RARB: variants seen among roughly 807,000 people sequenced by gnomAD.
The protein encoded by RARB is HBV-activated protein.
In RARB, 17 loss-of-function variants were observed where a neutral mutation model predicts 51.9. That is an observed-to-expected ratio of 0.33 (90% CI 0.22 to 0.49). The LOEUF is 0.49. RARB is among the 20% of genes least tolerant of loss of function. The probability of loss-of-function intolerance (pLI) is 0.99; values close to 1 mark genes in which losing one functional copy is unlikely to be tolerated. For synonymous variants in RARB, 215 were observed against 195.4 expected (o/e 1.10, Z -0.84); for missense variants, 369 against 550.8 (o/e 0.67, Z 3.30).
chr3:24,945,787 G>A (rs918839247), intron 2 of RARB, among the ~76,000 whole-genome samples: 7 of 152,162 alleles, frequency 4.6e-5, no homozygotes, highest in Non-Finnish European at 8.8e-5. Flanking sequence ...AACTCCCTGA[G>A]GCATTACTTC....
intron 5 of RARB, among the ~76,000 whole-genome samples, chr3:25,184,151 T>C (rs1700923221): frequency 6.6e-6 from 1 of 151,880 alleles, no homozygotes; most frequent in African/African-American, 2.4e-5. Context: ...TTTTTTCTAG[T>C]TATTGCCCAA....
chr3:24,912,062 C>T (rs953392293), intron 2 of RARB, among the ~76,000 whole-genome samples: 1 of 152,180 alleles, frequency 6.6e-6, no homozygotes, highest in African/African-American at 2.4e-5. Context: ...TTTACTTATG[C>T]ACATGGTCGC....
chr3:25,524,682 CTCT>C (rs1273566675), intron 3 of RARB, among the ~76,000 whole-genome samples: 6 of 148,584 alleles, frequency 4.0e-5, no homozygotes, highest in African/African-American at 1.5e-4. Context: ...TCTTCCTATC[CTCT>C]TCTTTCTGTC....
At chr3:25,585,355 C>T (rs1701343038) in intron 5 of RARB, among the ~76,000 whole-genome samples, 1 of 152,134 alleles carries the variant, frequency 6.6e-6, no homozygotes, top group African/African-American at 2.4e-5. Flanking sequence ...CCATAGAGCT[C>T]CCTGGAAGAG....
chr3:25,509,735 C>G (rs1697794887), intron 3 of RARB, among the ~76,000 whole-genome samples: 1 of 152,186 alleles, frequency 6.6e-6, no homozygotes. Context: ...TGGCCCCCTT[C>G]CTTCCTCAGT....
At chr3:25,018,328 TATAA>T (rs1697558707) in intron 2 of RARB, among the ~76,000 whole-genome samples, 1 of 152,224 alleles carries the variant, frequency 6.6e-6, no homozygotes, top group East Asian at 1.9e-4. Context: ...TCTAAAGCAG[TATAA>T]TCATTCTTCC....
At chr3:25,171,643 T>TTAAAAAAAAAAAA (rs1553639737) in intron 4 of RARB, among the ~76,000 whole-genome samples, 25 of 45,468 alleles carry the variant, frequency 5.5e-4, no homozygotes, top group African/African-American at 1.7e-3. Flanking sequence ...CCCTGGTTGG[T>TTAAAAAAAAAAAA]AAAAAAAAAA....
In RARB at chr3:25,286,660, A is replaced by G. The variant is rs191020532; in HGVS notation, c.178+112085A>G. ...GGAAACTCCAAAATTATTTTTCTTTATAATCCTTCCCCCCAATTGATTTAA... is the reference window on the plus strand; with the variant it reads ...GGAAACTCCAAAATTATTTTTCTTTGTAATCCTTCCCCCCAATTGATTTAA... On this transcript the variant is annotated intron_variant, in intron 5 of 11. Transcript: ENST00000383772. 9.2e-4 allele frequency among the ~76,000 whole-genome samples: 140 copies of G among 152,288 alleles called. 2 individuals are homozygous for G. In the East Asian group the frequency reaches 0.022, roughly 24 times the overall value.
chr3:25,544,764 A>C (rs1286768), intron 3 of RARB, among the ~76,000 whole-genome samples: 95,384 of 152,008 alleles, frequency 0.63, 32,045 homozygotes, highest in African/African-American at 0.88. Flanking sequence ...CTTTCAACGG[A>C]CTTTCTTTTT....
chr3:25,131,452 G>A (rs944670990), intron 3 of RARB, among the ~76,000 whole-genome samples: 10 of 151,906 alleles, frequency 6.6e-5, no homozygotes, highest in African/African-American at 1.7e-4. Context: ...TTTTATAGTC[G>A]TATTGTTTGT....
At chr3:25,450,868 T>A (rs1174676790) in intron 1 of RARB, among the ~76,000 whole-genome samples, 4 of 152,152 alleles carry the variant, frequency 2.6e-5, no homozygotes, top group Admixed American at 6.5e-5. Context: ...GAGGATCACC[T>A]GAGGTCAGGA....
At chr3:25,022,085 A>T (rs1697651082) in intron 2 of RARB, among the ~76,000 whole-genome samples, 2 of 152,178 alleles carry the variant, frequency 1.3e-5, no homozygotes, top group African/African-American at 4.8e-5. Flanking sequence ...TGCAACAAAG[A>T]ACAAGTTTTT....
At chr3:25,570,019 C>T (rs975164165) in intron 4 of RARB, 101 bp downstream of exon 4, 47 of 1,148,588 alleles carry the variant, frequency 4.1e-5, no homozygotes, top group South Asian at 3.2e-4. Context: ...CACACACACA[C>T]ACTTTGCACT....
intron 3 of RARB, among the ~76,000 whole-genome samples, chr3:25,097,557 G>A (rs538613999): frequency 2.6e-5 from 4 of 152,242 alleles, no homozygotes; most frequent in South Asian, 2.1e-4. Context: ...AGGGAGGCTC[G>A]CTTGAGCCCA....
At chr3:25,588,592 G>A (rs1046166897) in intron 5 of RARB, among the ~76,000 whole-genome samples, 5 of 152,280 alleles carry the variant, frequency 3.3e-5, no homozygotes, top group African/African-American at 1.2e-4. Context: ...CAGTGGGTCA[G>A]GAATCTGGTA....
chr3:25,277,199 T>C (rs1012522001), intron 5 of RARB, among the ~76,000 whole-genome samples: 1 of 152,144 alleles, frequency 6.6e-6, no homozygotes. Flanking sequence ...TCTAGGTAGG[T>C]GTCAAATAAT....
intron 5 of RARB, among the ~76,000 whole-genome samples, chr3:25,192,087 A>G (rs73054326): frequency 0.08 from 12,140 of 152,192 alleles, 637 homozygotes; most frequent in Non-Finnish European, 0.12. Flanking sequence ...TATTTACATG[A>G]TTCTTCATCT....
At chr3:25,586,517 C>T (rs184567151) in intron 5 of RARB, among the ~76,000 whole-genome samples, 3 of 152,254 alleles carry the variant, frequency 2.0e-5, no homozygotes, top group Middle Eastern at 3.4e-3. Flanking sequence ...TGGAATATCA[C>T]GCCTGTTAAG....
chr3:25,590,218 C>T (rs939833797), intron 5 of RARB, among the ~76,000 whole-genome samples: 10 of 152,212 alleles, frequency 6.6e-5, no homozygotes, highest in Non-Finnish European at 1.3e-4. Context: ...AATCCAAATA[C>T]ATTCTAACTT....
Sources: allele counts gnomAD v4.1 joint callset (sites outside exome capture counted in the v4.1 genomes callset), GRCh38; gene constraint gnomAD v4.1.1; transcripts MANE v1.5; gene names NCBI Gene and HGNC (gene_info 2026-07-23, HGNC 2026-07-21).